The following MLLT10 variants were observed in gnomAD, a reference collection of about 807,000 sequenced individuals.
The protein encoded by MLLT10 is protein AF-10.
In MLLT10, 30 loss-of-function variants were observed where a neutral mutation model predicts 129.1. The ratio of observed to expected loss-of-function variants is 0.23; its 90% confidence interval spans 0.17 to 0.32. The LOEUF is 0.32. Ranked by LOEUF, MLLT10 falls within the 10% of genes least tolerant of loss-of-function variation. MLLT10 has a pLI of 1.00. For synonymous variants in MLLT10, 490 were observed against 446.4 expected (o/e 1.10, Z -1.23); for missense variants, 1,119 against 1,268.3 (o/e 0.88, Z 1.79).
intron 13 of MLLT10, among the ~76,000 whole-genome samples, chr10:21,691,311 G>A (rs2053829191): frequency 6.6e-6 from 1 of 152,068 alleles, no homozygotes; most frequent in African/African-American, 2.4e-5. Flanking sequence ...TTCTATAGAT[G>A]ACTGATATAC....
At chr10:21,590,742 G>T (rs1346160803) in intron 4 of MLLT10, among the ~76,000 whole-genome samples, 1 of 151,998 alleles carries the variant, frequency 6.6e-6, no homozygotes, top group Admixed American at 6.6e-5. Flanking sequence ...TTTTTTCTTT[G>T]TTTTTATTTT....
At chr10:21,535,848 A>G (rs924216072) in intron 2 of MLLT10, among the ~76,000 whole-genome samples, 2 of 152,250 alleles carry the variant, frequency 1.3e-5, no homozygotes, top group Non-Finnish European at 2.9e-5. Context: ...CGAATGTCAC[A>G]CTTGGAAAGG....
intron 21 of MLLT10, among the ~76,000 whole-genome samples, chr10:21,736,797 G>A (rs1222829900): frequency 1.3e-5 from 2 of 152,162 alleles, no homozygotes; most frequent in Non-Finnish European, 2.9e-5. Context: ...GTAGGTGTCT[G>A]GAGTCCCAGG....
chr10:21,642,061 C>T (rs1239639146), intron 8 of MLLT10, among the ~76,000 whole-genome samples: 1 of 152,154 alleles, frequency 6.6e-6, no homozygotes, highest in Non-Finnish European at 1.5e-5. Flanking sequence ...TAGAAAATTT[C>T]AATTTCTGGC....
intron 5 of MLLT10, among the ~76,000 whole-genome samples, chr10:21,606,201 C>T (rs1459664704): frequency 1.3e-5 from 2 of 152,106 alleles, no homozygotes; most frequent in South Asian, 2.1e-4. Context: ...CTCCTTAGGC[C>T]TCCTTGTTCC....
intron 7 of MLLT10, among the ~76,000 whole-genome samples, chr10:21,615,652 C>A (rs990495001): frequency 6.6e-6 from 1 of 151,836 alleles, no homozygotes; most frequent in South Asian, 2.1e-4. Flanking sequence ...ATTACTATTA[C>A]CCATTTATTT....
In MLLT10 at chr10:21,597,017, C is replaced by CT. The variant is rs891184490; in HGVS notation, c.405+1588dup. Among the ~76,000 whole-genome samples the CT allele has an allele frequency of 2.4e-3, 342 of 144,910 alleles. 1 individual carries two copies. The highest frequency in any genetic ancestry group is 3.5e-3 in the South Asian group (16 of 4,584). ...CAAAGAAAATCTTTATATTAATGCA[C>CT]TTTTTTTTTTTAGTGCTTTGGAAGT... On this transcript the variant is annotated intron_variant, in intron 5 of 22. Coordinates refer to ENST00000307729, the MANE Select transcript of MLLT10 (RefSeq NM_001195626.3).
intron 9 of MLLT10, among the ~76,000 whole-genome samples, chr10:21,664,139 T>G (rs1327690875): frequency 6.6e-6 from 1 of 152,208 alleles, no homozygotes. Flanking sequence ...TATGAGTTAC[T>G]TAAAAGTGTG....
intron 8 of MLLT10, among the ~76,000 whole-genome samples, chr10:21,632,148 T>C (rs1020651427): frequency 6.6e-6 from 1 of 152,200 alleles, no homozygotes; most frequent in South Asian, 2.1e-4. Flanking sequence ...GTGAATAGTC[T>C]TTTTGAAATT....
chr10:21,550,751 C>T (rs545149351), intron 3 of MLLT10, among the ~76,000 whole-genome samples: 12 of 152,112 alleles, frequency 7.9e-5, no homozygotes, highest in Middle Eastern at 3.4e-3. Context: ...AGGCTGGTCT[C>T]AAACTTCTGA....
chr10:21,664,377 G>A (rs1214943026), intron 9 of MLLT10, among the ~76,000 whole-genome samples: 1 of 149,848 alleles, frequency 6.7e-6, no homozygotes, highest in African/African-American at 2.5e-5. Context: ...GCAGTGGCAC[G>A]ATCTCAGCTC....
At chr10:21,734,206 T>TC in intron 20 of MLLT10, 77 bp downstream of exon 20, 1 of 1,490,356 alleles carries the variant, frequency 6.7e-7, no homozygotes, top group Non-Finnish European at 8.9e-7. Flanking sequence ...ATTGGGGCTT[T>TC]CAATGTGTTC....
chr10:21,623,975 A>G (rs1437212722), intron 8 of MLLT10, among the ~76,000 whole-genome samples: 1 of 152,174 alleles, frequency 6.6e-6, no homozygotes, highest in Non-Finnish European at 1.5e-5. Context: ...TGAACAGGAA[A>G]TTGGAAATAC....
rs1301022020 is a variant in MLLT10, at chr10:21,534,722, C to G, written c.78C>G (p.Cys26Trp). Reference protein sequence around the residue: ...HSMKEMIGGCCVCSDERGWAE... With the variant: ...HSMKEMIGGCWVCSDERGWAE... The stretch of plus-strand genomic sequence containing the variant: ...TGAAGGAGATGATTGGAGGCTGTTG[C>G]GTTTGCTCAGACGAGAGAGGCTGGG... Residue 26 changes from cysteine to tryptophan, a missense_variant, in exon 2 of 23, where the codon TGC (cysteine) becomes TGG (tryptophan). Cys to Trp is a radical substitution (Grantham distance 215). This residue lies in a region of MLLT10 where 33 missense variants were observed against 76.9 expected (regional missense o/e 0.43). Transcript: ENST00000307729. The G allele has an allele frequency of 1.2e-6, 2 of 1,613,416 alleles. No homozygotes were observed. Among genetic ancestry groups the G allele is most frequent in the Admixed American group, 1.7e-5 (1 of 59,956 alleles).
At chr10:21,704,023 T>TTG (rs1554856149) in intron 13 of MLLT10, among the ~76,000 whole-genome samples, 11 of 133,264 alleles carry the variant, frequency 8.3e-5, no homozygotes, top group South Asian at 2.7e-4. Context: ...TTTGTTTTTT[T>TTG]TTTTTTTTTT....
At chr10:21,625,093 C>T (rs2046300255) in intron 8 of MLLT10, 2 of 892,496 alleles carry the variant, frequency 2.2e-6, no homozygotes, top group Admixed American at 3.8e-5. Context: ...CCATAGTAAT[C>T]TGGAGGTTAG....
At chr10:21,584,473 A>G (rs1564455753) in intron 3 of MLLT10, among the ~76,000 whole-genome samples, 1 of 150,690 alleles carries the variant, frequency 6.6e-6, no homozygotes, top group African/African-American at 2.4e-5. Flanking sequence ...AATAGGCTCT[A>G]TTTTTTTTTA....
At chr10:21,695,951 T>G (rs60036526) in intron 13 of MLLT10, among the ~76,000 whole-genome samples, 180 of 124,798 alleles carry the variant, frequency 1.4e-3, no homozygotes, top group African/African-American at 5.1e-3. Flanking sequence ...TGTGTGTGGG[T>G]TTTTTTTTTT....
At chr10:21,554,466 T>A (rs2037592726) in intron 3 of MLLT10, among the ~76,000 whole-genome samples, 1 of 151,600 alleles carries the variant, frequency 6.6e-6, no homozygotes, top group Admixed American at 6.6e-5. Flanking sequence ...TTTTTTTTTT[T>A]TTTTTTGAGA....
Sources: gnomAD v4.1 joint callset for allele counts (sites outside exome capture counted in the v4.1 genomes callset) on GRCh38, gnomAD v4.1.1 for gene constraint, gnomAD v4.1.1 regional missense constraint, MANE v1.5 for transcripts, NCBI Gene and HGNC (gene_info 2026-07-23, HGNC 2026-07-21) for gene names.